The following PHGDH variants were observed in gnomAD, a reference collection of about 807,000 sequenced individuals.
PHGDH encodes phosphoglycerate dehydrogenase.
In PHGDH, 50 loss-of-function variants were observed where a neutral mutation model predicts 52.6. The ratio of observed to expected loss-of-function variants is 0.95; its 90% confidence interval spans 0.76 to 1.20. PHGDH has a LOEUF of 1.20. Among genes scored for constraint, PHGDH ranks in the 50% most tolerant of loss-of-function variants. PHGDH has a pLI of 0.00. For missense variants in PHGDH, 630 were observed against 684.6 expected, an observed-to-expected ratio of 0.92 and a Z score of 0.89; for synonymous variants, 271 against 280.5, an observed-to-expected ratio of 0.97 and a Z score of 0.34.
At position 119,731,139 on chromosome 1, in the gene PHGDH, C is replaced by T. The variant is rs587725254; in HGVS notation, c.511-3495C>T. Among the ~76,000 whole-genome samples, 3 of 152,258 alleles carry T rather than the reference C, an allele frequency of 2.0e-5. No individual in the cohort carries two copies. In the South Asian group the frequency reaches 6.2e-4, roughly 32 times the overall value. On this transcript the variant is annotated intron_variant, in intron 5 of 11. Transcript: ENST00000641023. ...AAAAGAGCAGTGTGGTTGTCAGTGG[C>T]ATAGCTGATAGAAAAGGTAACCTGA...
rs267606948 is a variant in PHGDH, at chr1:119,741,817, G to C, written c.1129G>C (p.Gly377Arg). 6.2e-7 allele frequency: 1 copy of C among 1,613,024 alleles called. No homozygotes were observed. The highest frequency in any genetic ancestry group is 8.5e-7 in the Non-Finnish European group (1 of 1,179,054). Reference protein sequence around the residue: ...GNCLSPAVIVGLLKEASKQAD... With the variant: ...GNCLSPAVIVRLLKEASKQAD... ...CTGCCTAAGCCCCGCAGTCATTGTC[G>C]GCCTCCTGAAAGAGGCTTCCAAGCA... Residue 377 changes from glycine (G) to arginine (R), a missense_variant, in exon 10 of 12, where the codon GGC becomes CGC. Coordinates refer to ENST00000641023, the MANE Select transcript of PHGDH (RefSeq NM_006623.4).
chr1:119,742,770 C>T, intron 10 of PHGDH, 37 bp from the exon 11 acceptor site: 2 of 1,296,664 alleles, frequency 1.5e-6, no homozygotes. Flanking sequence ...GTGGTGCAGC[C>T]AGGAGGTGTA....
In PHGDH at chr1:119,741,615, A is replaced by C; in HGVS notation, c.1079-152A>C. 2 of 746,796 alleles carry C rather than the reference A, an allele frequency of 2.7e-6. 1 individual carries two copies. The highest frequency in any genetic ancestry group is 4.9e-5 in the East Asian group (2 of 40,446). 46.3% of individuals were successfully genotyped at this position (746,796 alleles called of 1,614,324 possible). A position where few individuals can be genotyped will look rare whatever the true frequency, so the allele number is the denominator to read the frequency against. On this transcript the variant is annotated intron_variant, in intron 9 of 11. Coordinates refer to ENST00000641023, the MANE Select transcript of PHGDH (RefSeq NM_006623.4). ...GATTATGCCTCTTCTGAGCCCACTG[A>C]AGGGCGAGTGGACCTGCCTGGAGCA...
At chr1:119,734,585 A>C (rs372621702) in intron 5 of PHGDH, 49 bp from the exon 6 acceptor site, 85 of 1,569,554 alleles carry the variant, frequency 5.4e-5, no homozygotes, top group Middle Eastern at 1.7e-4. Flanking sequence ...TAATAACAAT[A>C]CTAATAATTA....
In PHGDH at chr1:119,717,232, CAAAAA is replaced by C. The variant is rs58549149; in HGVS notation, c.139-3913_139-3909del. ...GGGCAATAAGAGTGAAACTCTGTCT[CAAAAA>C]AAAAAAAAAAAAAAAAAAAAAAAAG... On this transcript the variant is annotated intron_variant, in intron 1 of 11. Transcript: ENST00000641023. Among the ~76,000 whole-genome samples the C allele has an allele frequency of 4.6e-4, 17 of 37,344 alleles. 1 individual carries two copies. In the South Asian group the frequency reaches 0.015, roughly 32 times the overall value. 24.5% of individuals were successfully genotyped at this position (37,344 alleles called of 152,430 possible). A position where few individuals can be genotyped will look rare whatever the true frequency, so the allele number is the denominator to read the frequency against.
At chr1:119,734,789 G>C in intron 6 of PHGDH, 23 bp downstream of exon 6, 1 of 1,613,588 alleles carries the variant, frequency 6.2e-7, no homozygotes, top group Non-Finnish European at 8.5e-7. Flanking sequence ...TTACATTGTG[G>C]ATTGGTCACA....
intron 1 of PHGDH, chr1:119,720,781 T>C (rs2101153654): frequency 3.4e-6 from 1 of 297,544 alleles, no homozygotes; most frequent in South Asian, 3.4e-5. Context: ...GCAGGAATGA[T>C]AGGGTATACA....
chr1:119,741,621 G>A (rs1034713393), intron 9 of PHGDH, 146 bp from the exon 10 acceptor site: 28 of 761,626 alleles, frequency 3.7e-5, no homozygotes, highest in Middle Eastern at 2.3e-4. Flanking sequence ...ACTGAAGGGC[G>A]AGTGGACCTG....
chr1:119,725,152 C>T (rs1283951686), intron 3 of PHGDH, among the ~76,000 whole-genome samples: 8 of 152,164 alleles, frequency 5.3e-5, no homozygotes, highest in Non-Finnish European at 1.2e-4. Context: ...CCTGCTTTAC[C>T]ATCTCCTCCT....
chr1:119,712,403 G>A (rs1570981119), intron 1 of PHGDH: 1 of 496,142 alleles, frequency 2.0e-6, no homozygotes, highest in South Asian at 2.0e-5. Flanking sequence ...GCATGCCTCC[G>A]CTAGCATTGC....
chr1:119,738,571 C>A (rs1652047147), intron 8 of PHGDH, among the ~76,000 whole-genome samples: 1 of 152,242 alleles, frequency 6.6e-6, no homozygotes, highest in Admixed American at 6.5e-5. Flanking sequence ...GGAGATGCTG[C>A]TCGTTTCCCA....
rs1238628284 is a variant in PHGDH, at chr1:119,734,861, C to G, written c.643+95C>G. ...TGGGCCTTCCCCAGACAGTGGTAACCAGCTGTGGGGAGAGGTCCACCTGGG... is the reference window on the plus strand; with the variant it reads ...TGGGCCTTCCCCAGACAGTGGTAACGAGCTGTGGGGAGAGGTCCACCTGGG... On this transcript the variant is annotated intron_variant, in intron 6 of 11. Transcript: ENST00000641023. 3 of 1,385,046 alleles carry G rather than the reference C, an allele frequency of 2.2e-6. No individual in the cohort carries two copies. The African/African-American group carries it at 4.2e-5, about 20-fold the overall frequency. The allele number at this position is 1,385,046 out of a possible 1,614,324, so 85.8% of individuals were successfully genotyped here. A position where few individuals can be genotyped will look rare whatever the true frequency, so the allele number is the denominator to read the frequency against.
intron 3 of PHGDH, chr1:119,726,560 TA>T: frequency 1.9e-6 from 1 of 525,940 alleles, no homozygotes; most frequent in Non-Finnish European, 3.4e-6. Context: ...TCGCTTAAAG[TA>T]AAAAACTCAC....
At chr1:119,714,203 C>T (rs769990379) in intron 1 of PHGDH, among the ~76,000 whole-genome samples, 3 of 152,168 alleles carry the variant, frequency 2.0e-5, no homozygotes, top group Non-Finnish European at 4.4e-5. Context: ...AGGTGTCTGG[C>T]ATAGTGTCTC....
At position 119,744,202 on chromosome 1, in the gene PHGDH, G is replaced by A; in HGVS notation, c.*162G>A. On this transcript the variant is annotated 3_prime_UTR_variant, in exon 12 of 12. Coordinates refer to ENST00000641023, the MANE Select transcript of PHGDH (RefSeq NM_006623.4). ...AGTACAGCAATAACCGTCTAATAAA[G>A]AGCCTACCCCCAACTCCTTCTGCAC... 1 of 713,686 alleles carries A rather than the reference G, an allele frequency of 1.4e-6. No homozygotes were observed. Among genetic ancestry groups the A allele is most frequent in the East Asian group, 2.6e-5 (1 of 38,978 alleles). The allele number at this position is 713,686 out of a possible 1,614,324, so 44.2% of individuals were successfully genotyped here.
chr1:119,718,986 G>A (rs1651040168), intron 1 of PHGDH, among the ~76,000 whole-genome samples: 1 of 152,168 alleles, frequency 6.6e-6, no homozygotes, highest in Admixed American at 6.5e-5. Context: ...TAACTTTATT[G>A]CACCTTGAAA....
intron 3 of PHGDH, among the ~76,000 whole-genome samples, chr1:119,725,209 C>T (rs1291257955): frequency 1.3e-5 from 2 of 152,172 alleles, no homozygotes; most frequent in East Asian, 1.9e-4. Flanking sequence ...AGGACCCTCG[C>T]CCACATTAGA....
Position 119,721,271 on chromosome 1 carries a change from G to A in PHGDH, c.240G>A (p.Val80=). 1 of 1,614,150 alleles carries A rather than the reference G, an allele frequency of 6.2e-7. No homozygotes were observed. Among genetic ancestry groups the A allele is most frequent in the South Asian group, 1.1e-5 (1 of 91,078 alleles). ...LQVVGRAGTG[V]DNVDLEAATR... The stretch of plus-strand genomic sequence containing the variant: ...TGGTGGGCAGGGCTGGCACAGGTGT[G>A]GACAATGTGGATCTGGAGGCCGCAA... Residue 80 remains valine (V), a synonymous_variant, in exon 2 of 12, where the codon GTG becomes GTA. Transcript: ENST00000641023.
Position 119,716,977 on chromosome 1 carries a change from C to T in PHGDH, c.139-4193C>T, listed in dbSNP as rs750318382. Among the ~76,000 whole-genome samples the T allele has an allele frequency of 2.1e-3, 312 of 152,040 alleles. 7 individuals are homozygous for T. Among genetic ancestry groups the T allele is most frequent in the Non-Finnish European group, 2.2e-3 (148 of 67,982 alleles). ...AAATCTATATTTCCTTGATATCTAGCGTTGAAGAGTCTATAAACTAGTGAA... is the reference window on the plus strand; with the variant it reads ...AAATCTATATTTCCTTGATATCTAGTGTTGAAGAGTCTATAAACTAGTGAA... On this transcript the variant is annotated intron_variant, in intron 1 of 11. Coordinates refer to ENST00000641023, the MANE Select transcript of PHGDH (RefSeq NM_006623.4).
Sources: allele counts gnomAD v4.1 joint callset (sites outside exome capture counted in the v4.1 genomes callset), GRCh38; gene constraint gnomAD v4.1.1; transcripts MANE v1.5; gene names NCBI Gene and HGNC (gene_info 2026-07-23, HGNC 2026-07-21).